ZC3HAV1: variants seen among roughly 807,000 people sequenced by gnomAD.
ZC3HAV1 encodes zinc finger CCCH-type containing, antiviral 1, also known as zinc finger CCCH-type antiviral protein 1.
A neutral mutation model predicts 86.6 loss-of-function variants in ZC3HAV1; 41 were observed. The observed-to-expected ratio is 0.47, with a 90% CI of 0.37 to 0.61. The LOEUF is 0.61. Ranked by LOEUF, ZC3HAV1 falls within the 20% of genes least tolerant of loss-of-function variation. The pLI is 0.00. For missense variants in ZC3HAV1, 964 were observed against 1,141.1 expected, an observed-to-expected ratio of 0.84 and a Z score of 2.24; for synonymous variants, 421 against 432.1, an observed-to-expected ratio of 0.97 and a Z score of 0.32.
chr7:139,047,398 G>A lies in ZC3HAV1; in HGVS notation c.*196C>T, dbSNP rs907575135. The A allele has an allele frequency of 1.1e-5, 7 of 628,388 alleles. No homozygotes were observed. Among genetic ancestry groups the A allele is most frequent in the Non-Finnish European group, 1.9e-5 (7 of 375,772 alleles). The allele number at this position is 628,388 out of a possible 1,614,324, so 38.9% of individuals were successfully genotyped here. ...CCCAGAAATGATTTCATTGGCATGG[G>A]GTGCAACCTGGGCATCAGAATTTGT... On this transcript the variant is annotated 3_prime_UTR_variant, in exon 13 of 13. Transcript: ENST00000242351.
At chr7:139,089,521 C>A (rs975284821) in intron 2 of ZC3HAV1, 103 bp downstream of exon 2, 2 of 1,399,946 alleles carry the variant, frequency 1.4e-6, no homozygotes, top group South Asian at 1.6e-5. Context: ...CCTGCAGAAC[C>A]CTGGCATTAA....
At chr7:139,097,410 A>ATTTTTTTTTTTTTTTTT (rs1563140546) in intron 1 of ZC3HAV1, among the ~76,000 whole-genome samples, 1 of 73,178 alleles carries the variant, frequency 1.4e-5, no homozygotes. Flanking sequence ...CCATATATAT[A>ATTTTTTTTTTTTTTTTT]TATATATATA....
At chr7:139,082,717 C>T (rs1817160231) in intron 3 of ZC3HAV1, among the ~76,000 whole-genome samples, 2 of 151,986 alleles carry the variant, frequency 1.3e-5, no homozygotes. Flanking sequence ...GTGAAATAAG[C>T]CAGTCAGAAA....
chr7:139,097,428 AT>A (rs11291842), intron 1 of ZC3HAV1, among the ~76,000 whole-genome samples: 2,772 of 47,362 alleles, frequency 0.059, 52 homozygotes, highest in Non-Finnish European at 0.063. Flanking sequence ...ATATATATAT[AT>A]TTTTTTTTTT....
chr7:139,068,716 C>T (rs1816678241), intron 7 of ZC3HAV1, among the ~76,000 whole-genome samples: 2 of 152,244 alleles, frequency 1.3e-5, no homozygotes, highest in African/African-American at 4.8e-5. Flanking sequence ...CTTCTCTAGC[C>T]TCGCCCTCAC....
Position 139,055,230 on chromosome 7 carries a change from C to G in ZC3HAV1, c.2162G>C (p.Cys721Ser). ...TATFRPQEDF[C>S]FLSSKKYKLS... ...CTTATATTTCTTTGAGGATAGGAAG[C>G]AAAAGTCCTCCTGAGGACGAAAGGT... is the stretch of plus-strand genomic sequence containing the variant. The change falls in exon 10 of 13, where the codon TGC (cysteine) becomes TCC (serine). Residue 721 changes from cysteine to serine, a missense_variant. Transcript: ENST00000242351. The G allele has an allele frequency of 6.2e-7, 1 of 1,613,006 alleles. No homozygotes were observed. The highest frequency in any genetic ancestry group is 2.2e-5 in the East Asian group (1 of 44,854).
At chr7:139,105,361 GCTA>G (rs771747510) in intron 1 of ZC3HAV1, among the ~76,000 whole-genome samples, 4 of 152,194 alleles carry the variant, frequency 2.6e-5, no homozygotes, top group Non-Finnish European at 5.9e-5. Context: ...TACCTTAGGA[GCTA>G]TCCTAAAGAC....
At chr7:139,066,893 C>T (rs1816621336) in intron 7 of ZC3HAV1, among the ~76,000 whole-genome samples, 1 of 152,136 alleles carries the variant, frequency 6.6e-6, no homozygotes, top group Admixed American at 6.5e-5. Context: ...CATTGACATA[C>T]ATGTGAGTGC....
Position 139,104,721 on chromosome 7 carries a change from CAAAAAAAAAAAA to C in ZC3HAV1, c.308+4291_308+4302del, listed in dbSNP as rs1157897700. Among the ~76,000 whole-genome samples, 42 of 19,264 alleles carry C rather than the reference CAAAAAAAAAAAA, an allele frequency of 2.2e-3. 1 individual carries two copies. The highest frequency in any genetic ancestry group is 6.7e-3 in the Admixed American group (7 of 1,052). 12.6% of individuals were successfully genotyped at this position (19,264 alleles called of 152,430 possible). A position where few individuals can be genotyped will look rare whatever the true frequency, so the allele number is the denominator to read the frequency against. On this transcript the variant is annotated intron_variant, in intron 1 of 12. Transcript: ENST00000242351. ...CTGGCAACAGAGCGAGACTCTGTCA[CAAAAAAAAAAAA>C]AAAAAAAAAAAAAGTCAAACAAGGC...
chr7:139,060,772 G>A (rs2130676509), intron 9 of ZC3HAV1: 1 of 1,322,704 alleles, frequency 7.6e-7, no homozygotes, highest in Non-Finnish European at 9.7e-7. Flanking sequence ...TTCACAGCTG[G>A]AGAAGCTAAA....
rs1225233440 is a variant in ZC3HAV1 at position 139,083,869 on chromosome 7, C to T, written c.608G>A (p.Arg203Lys). Reference protein sequence around the residue: ...LMDRKVLAIMREHGLNPDVVQ... With the variant: ...LMDRKVLAIMKEHGLNPDVVQ... Reference sequence around the variant, plus strand: ...CACGTCGGGGTTCAGCCCGTGCTCCCTCATGATGGCCAGCACCTTTCTGTC... The same window carrying T: ...CACGTCGGGGTTCAGCCCGTGCTCCTTCATGATGGCCAGCACCTTTCTGTC... The change falls in exon 3 of 13, where the codon AGG (arginine) becomes AAG (lysine). Residue 203 changes from arginine (R) to lysine (K), a missense_variant. Coordinates refer to ENST00000242351, the MANE Select transcript of ZC3HAV1 (RefSeq NM_020119.4). 6.2e-7 allele frequency: 1 copy of T among 1,614,134 alleles called. No individual in the cohort carries two copies. The highest frequency in any genetic ancestry group is 8.5e-7 in the Non-Finnish European group (1 of 1,180,032).
rs375707741 is a variant in ZC3HAV1 at position 139,054,119 on chromosome 7, A to C, written c.2188-24T>G. The C allele has an allele frequency of 4.3e-5, 66 of 1,546,080 alleles. No individual in the cohort carries two copies. The Middle Eastern group carries it at 9.3e-4, about 22-fold the overall frequency. ...AACTAATAAAGTTTAAAAATAGATA[A>C]ATGTGAAATAGGAAACATTTAAAGC... On this transcript the variant is annotated intron_variant, in intron 10 of 12. Coordinates refer to ENST00000242351, the MANE Select transcript of ZC3HAV1 (RefSeq NM_020119.4).
intron 1 of ZC3HAV1, among the ~76,000 whole-genome samples, chr7:139,097,897 T>C (rs1445285967): frequency 6.6e-6 from 1 of 151,960 alleles, no homozygotes; most frequent in African/African-American, 2.4e-5. Flanking sequence ...AGTGTTGTGA[T>C]GGTTACACAG....
intron 1 of ZC3HAV1, among the ~76,000 whole-genome samples, chr7:139,099,916 AAAATAAATAAAT>A (rs112469477): frequency 4.0e-5 from 6 of 149,990 alleles, no homozygotes; most frequent in Non-Finnish European, 8.9e-5. Flanking sequence ...GACAGAACAA[AAAATAAATAAAT>A]AAATAAATAA....
intron 1 of ZC3HAV1, among the ~76,000 whole-genome samples, chr7:139,092,182 C>T (rs1277982851): frequency 1.3e-5 from 2 of 152,114 alleles, no homozygotes; most frequent in Admixed American, 6.5e-5. Flanking sequence ...CGGACGAATT[C>T]CTGGGAACTG....
intron 1 of ZC3HAV1, among the ~76,000 whole-genome samples, chr7:139,091,766 C>T (rs1465771935): frequency 6.6e-6 from 1 of 151,994 alleles, no homozygotes; most frequent in Non-Finnish European, 1.5e-5. Context: ...CTTGAGACAC[C>T]GTGCCACCCT....
Position 139,108,272 on chromosome 7 carries a change from A to G in ZC3HAV1, c.308+752T>C, listed in dbSNP as rs1817993598. ...CTTGCAGCGCATCTGCATTTAGACGAAAAAAAAAAAAGGCAAACGGAAACA... is the reference window on the plus strand; with the variant it reads ...CTTGCAGCGCATCTGCATTTAGACGGAAAAAAAAAAAGGCAAACGGAAACA... On this transcript the variant is annotated intron_variant, in intron 1 of 12. Transcript: ENST00000242351. The surrounding 1 kb of genome is among the most constrained non-coding windows in gnomAD (Gnocchi z 4.2). Among the ~76,000 whole-genome samples, 2 of 140,774 alleles carry G rather than the reference A, an allele frequency of 1.4e-5. No homozygotes were observed. The highest frequency in any genetic ancestry group is 7.2e-5 in the Admixed American group (1 of 13,986). 92.4% of individuals were successfully genotyped at this position (140,774 alleles called of 152,430 possible).
rs914648811 is a variant in ZC3HAV1, at chr7:139,047,497, C to G, written c.*97G>C. On this transcript the variant is annotated 3_prime_UTR_variant, in exon 13 of 13. Coordinates refer to ENST00000242351, the MANE Select transcript of ZC3HAV1 (RefSeq NM_020119.4). The stretch of plus-strand genomic sequence containing the variant: ...TGATCTAAGACATTAGATAACTGAG[C>G]AGGAAAATATAAAACTTTAACTCCT... 1 of 1,534,620 alleles carries G rather than the reference C, an allele frequency of 6.5e-7. No homozygotes were observed. Among genetic ancestry groups the G allele is most frequent in the African/African-American group, 1.4e-5 (1 of 72,048 alleles).
intron 7 of ZC3HAV1, 50 bp from the exon 8 acceptor site, chr7:139,065,049 T>A (rs772801773): frequency 2.5e-6 from 4 of 1,609,628 alleles, no homozygotes; most frequent in Non-Finnish European, 3.4e-6. Context: ...TTTTAGGAAA[T>A]CTCTACTGTT....
Sources: gnomAD v4.1 joint callset for allele counts (sites outside exome capture counted in the v4.1 genomes callset) on GRCh38, gnomAD v4.1.1 for gene constraint, Gnocchi (gnomAD v3.1) non-coding constraint, MANE v1.5 for transcripts, NCBI Gene and HGNC (gene_info 2026-07-23, HGNC 2026-07-21) for gene names.